PADI1: variants seen among roughly 807,000 people sequenced by gnomAD.
PADI1 encodes the protein peptidyl arginine deiminase 1.
PADI1 carries 65 observed loss-of-function variants against 74.8 expected under a neutral mutation model. That is an observed-to-expected ratio of 0.87 (90% confidence interval 0.71 to 1.07). PADI1 has a LOEUF of 1.07. Among genes scored for constraint, PADI1 ranks in the 50% least tolerant of loss-of-function variants. The pLI, the probability that PADI1 is intolerant of heterozygous loss-of-function variation, is 0.00. For synonymous variants in PADI1, 371 were observed against 336.2 expected (o/e 1.10, Z -1.13); for missense variants, 943 against 854.0 (o/e 1.10, Z -1.30).
chr1:17,205,714 G>A (rs1014756430), intron 1 of PADI1, among the ~76,000 whole-genome samples: 13 of 152,164 alleles, frequency 8.5e-5, no homozygotes, highest in Non-Finnish European at 2.9e-5. Flanking sequence ...CCATCTCTTT[G>A]AGGTGAAGGG....
intron 6 of PADI1, among the ~76,000 whole-genome samples, chr1:17,227,592 T>C (rs1296715868): frequency 6.6e-6 from 1 of 151,904 alleles, no homozygotes; most frequent in Non-Finnish European, 1.5e-5. Flanking sequence ...TTACCACTCC[T>C]TAACCCCGGA....
At chr1:17,240,421 C>G in intron 14 of PADI1, 1 of 480,528 alleles carries the variant, frequency 2.1e-6, no homozygotes, top group Non-Finnish European at 3.8e-6. Flanking sequence ...GGTTCGAACC[C>G]CAGCTTTGGC....
At chr1:17,215,155 A>G (rs1005052591) in intron 1 of PADI1, among the ~76,000 whole-genome samples, 2 of 152,054 alleles carry the variant, frequency 1.3e-5, no homozygotes, top group African/African-American at 4.8e-5. Flanking sequence ...CATTTCCCCC[A>G]AGGCCTGACC....
At chr1:17,222,543 C>T (rs891840291) in intron 2 of PADI1, 73 bp downstream of exon 2, 1 of 1,170,592 alleles carries the variant, frequency 8.5e-7, no homozygotes, top group Middle Eastern at 2.0e-4. Flanking sequence ...CCCACATTGG[C>T]AATTCCCATT....
chr1:17,230,066 C>T lies in PADI1; in HGVS notation c.930-19C>T, dbSNP rs764605338. The T allele has an allele frequency of 1.1e-5, 18 of 1,609,228 alleles. No homozygotes were observed. Among genetic ancestry groups the T allele is most frequent in the East Asian group, 2.2e-5 (1 of 44,838 alleles). ...AGTCAGAGGCCATTAGCATGCTCCC[C>T]TCTCCCTACCTTTTACAGAGTGATG... On this transcript the variant is annotated intron_variant, in intron 8 of 15. Transcript: ENST00000375471.
chr1:17,210,496 G>A (rs1343693684), intron 1 of PADI1, among the ~76,000 whole-genome samples: 3 of 152,104 alleles, frequency 2.0e-5, no homozygotes, highest in Non-Finnish European at 2.9e-5. Context: ...AGTGAAAGCT[G>A]TCCCTCTTCT....
Position 17,244,558 on chromosome 1 carries a change from T to G in PADI1, c.*315T>G. The G allele has an allele frequency of 2.2e-6, 1 of 458,316 alleles. No individual in the cohort carries two copies. The highest frequency in any genetic ancestry group is 4.3e-6 in the Non-Finnish European group (1 of 232,928). The allele number at this position is 458,316 out of a possible 1,614,324, so 28.4% of individuals were successfully genotyped here. A position where few individuals can be genotyped will look rare whatever the true frequency, so the allele number is the denominator to read the frequency against. ...GAGGCCTAGGGAGATGGGCCCCACT[T>G]AGAATTGCTCCCCCTTCATTCTGAT... is the stretch of plus-strand genomic sequence containing the variant. On this transcript the variant is annotated 3_prime_UTR_variant, in exon 16 of 16. Coordinates refer to ENST00000375471, the MANE Select transcript of PADI1 (RefSeq NM_013358.3).
intron 6 of PADI1, among the ~76,000 whole-genome samples, 170 bp downstream of exon 6, chr1:17,226,328 C>T (rs1219846480): frequency 1.3e-5 from 2 of 152,176 alleles, no homozygotes; most frequent in Non-Finnish European, 2.9e-5. Flanking sequence ...TCAACAACAA[C>T]GAGTTCCATT....
intron 6 of PADI1, among the ~76,000 whole-genome samples, chr1:17,227,567 AAATAAATAAATAAATT>A (rs1326738752): frequency 7.0e-6 from 1 of 142,204 alleles, no homozygotes; most frequent in African/African-American, 2.5e-5. Flanking sequence ...ATAAATAAAT[AAATAAATAAATAAATT>A]ACCACTCCTT....
Position 17,218,557 on chromosome 1 carries a change from C to T in PADI1, c.93-3733C>T, listed in dbSNP as rs558408084. 1.4e-3 allele frequency among the ~76,000 whole-genome samples: 209 copies of T among 152,070 alleles called. 1 individual carries two copies. Among genetic ancestry groups the T allele is most frequent in the East Asian group, 3.9e-3 (20 of 5,178 alleles). Reference sequence around the variant, plus strand: ...TCTGGGCCAAGTGCCTCTGACAGGTCAATGAGGGGAAGAAGAGAAAAGACC... The same window carrying T: ...TCTGGGCCAAGTGCCTCTGACAGGTTAATGAGGGGAAGAAGAGAAAAGACC... On this transcript the variant is annotated intron_variant, in intron 1 of 15. Coordinates refer to ENST00000375471, the MANE Select transcript of PADI1 (RefSeq NM_013358.3).
chr1:17,235,821 C>T (rs935592685), intron 11 of PADI1, among the ~76,000 whole-genome samples: 6 of 152,146 alleles, frequency 3.9e-5, no homozygotes, highest in Non-Finnish European at 7.4e-5. Context: ...ACAAGCCTCA[C>T]GAGCCAGTGA....
chr1:17,237,224 GC>G, intron 11 of PADI1, 89 bp from the exon 12 acceptor site: 2 of 1,418,012 alleles, frequency 1.4e-6, no homozygotes, highest in Non-Finnish European at 9.5e-7. Flanking sequence ...GAGCAATTCC[GC>G]CCCCTGGTGG....
rs575989159 is a variant in PADI1, at chr1:17,230,108, A to G, written c.953A>G (p.Asn318Ser). ...AGAGTGATGGACACTCATGGCTCCA[A>G]TGAGAAATTCCTGGAGGACATGTCT... Reference protein sequence around the residue: ...VCRVMDTHGSNEKFLEDMSYL... With the variant: ...VCRVMDTHGSSEKFLEDMSYL... Residue 318 changes from asparagine to serine, a missense_variant, in exon 9 of 16, where the codon AAT becomes AGT. Physicochemically the swap from Asn to Ser is conservative, Grantham distance 46. Transcript: ENST00000375471. 3.6e-5 allele frequency: 58 copies of G among 1,614,030 alleles called. No homozygotes were observed. Among genetic ancestry groups the G allele is most frequent in the East Asian group, 1.1e-4 (5 of 44,880 alleles).
At chr1:17,225,966 G>A in intron 5 of PADI1, 38 bp downstream of exon 5, 3 of 1,611,694 alleles carry the variant, frequency 1.9e-6, no homozygotes, top group Non-Finnish European at 2.5e-6. Context: ...AGTGGGGAAG[G>A]GGGATGGAAG....
rs542080868 is a variant in PADI1, at chr1:17,233,543, G to A, written c.1313+573G>A. On this transcript the variant is annotated intron_variant, in intron 11 of 15. Transcript: ENST00000375471. ...GGAAACAAGGTATTTAGGTTTTAAC[G>A]CTCAAACAGGTGGCGATGTCTGTTA... 8.5e-5 allele frequency among the ~76,000 whole-genome samples: 13 copies of A among 152,336 alleles called. No individual in the cohort carries two copies. In the East Asian group the frequency reaches 1.2e-3, roughly 14 times the overall value.
chr1:17,223,577 C>T, intron 2 of PADI1, 44 bp from the exon 3 acceptor site: 1 of 1,516,246 alleles, frequency 6.6e-7, no homozygotes, highest in Non-Finnish European at 9.2e-7. Context: ...CCTCCGCCAT[C>T]TCTGAAGGTG....
chr1:17,218,067 G>A (rs1025080582), intron 1 of PADI1, among the ~76,000 whole-genome samples: 1 of 152,098 alleles, frequency 6.6e-6, no homozygotes, highest in Non-Finnish European at 1.5e-5. Flanking sequence ...ATCAACCAAC[G>A]TTTACGTCAC....
chr1:17,235,936 C>T (rs961924370), intron 11 of PADI1, among the ~76,000 whole-genome samples: 17 of 152,196 alleles, frequency 1.1e-4, no homozygotes, highest in African/African-American at 4.1e-4. Flanking sequence ...CCTGTGTGGA[C>T]GTGTCCCCAT....
Position 17,207,482 on chromosome 1 carries a change from A to G in PADI1, c.92+2173A>G, listed in dbSNP as rs575653495. On this transcript the variant is annotated intron_variant, in intron 1 of 15. Transcript: ENST00000375471. ...CAGGGGAAGATAAATGAGCCCATGC[A>G]TGTATAAGACCCCTTGCGCCGTGGG... 5.3e-5 allele frequency among the ~76,000 whole-genome samples: 8 copies of G among 152,340 alleles called. No individual in the cohort carries two copies. The South Asian group carries it at 1.7e-3, about 32-fold the overall frequency.
Sources: allele counts gnomAD v4.1 joint callset (sites outside exome capture counted in the v4.1 genomes callset), GRCh38; gene constraint gnomAD v4.1.1; transcripts MANE v1.5; gene names NCBI Gene and HGNC (gene_info 2026-07-23, HGNC 2026-07-21).